The following SUMF1 variants were observed in gnomAD, a reference collection of about 807,000 sequenced individuals.
SUMF1 encodes sulfatase modifying factor 1.
SUMF1 carries 48 observed loss-of-function variants against 47.6 expected under a neutral mutation model. The ratio of observed to expected loss-of-function variants is 1.01; its 90% CI spans 0.80 to 1.28. The LOEUF (loss-of-function observed/expected upper bound fraction) is 1.28, where lower values mean the gene tolerates loss of function less well. SUMF1 is among the 50% of genes most tolerant of loss of function. The pLI is 0.00. For missense variants in SUMF1, 571 were observed against 485.4 expected (o/e 1.18, Z -1.66); for synonymous variants, 230 against 192.1 (o/e 1.20, Z -1.63).
At chr3:4,147,642 A>C (rs1694226350) in intron 8 of SUMF1, among the ~76,000 whole-genome samples, 1 of 152,172 alleles carries the variant, frequency 6.6e-6, no homozygotes, top group Non-Finnish European at 1.5e-5. Flanking sequence ...CTACATAAAA[A>C]TTATTTTAGA....
chr3:4,084,825 T>G (rs1692637950), intron 8 of SUMF1, among the ~76,000 whole-genome samples: 1 of 152,062 alleles, frequency 6.6e-6, no homozygotes, highest in Non-Finnish European at 1.5e-5. Flanking sequence ...AGAAAAACAT[T>G]GTGTGGTTAT....
intron 3 of SUMF1, among the ~76,000 whole-genome samples, chr3:4,431,607 G>A (rs1363749394): frequency 2.0e-5 from 3 of 152,158 alleles, no homozygotes; most frequent in African/African-American, 4.8e-5. Context: ...TTGGATGTGA[G>A]ACAAGAGCTT....
intron 8 of SUMF1, among the ~76,000 whole-genome samples, chr3:4,109,781 C>G (rs533767915): frequency 4.6e-5 from 7 of 152,096 alleles, no homozygotes; most frequent in African/African-American, 1.7e-4. Flanking sequence ...TCCATCAGGT[C>G]ATTTAAGGAC....
At chr3:4,193,921 T>C (rs759469663) in intron 8 of SUMF1, among the ~76,000 whole-genome samples, 1 of 152,142 alleles carries the variant, frequency 6.6e-6, no homozygotes, top group Non-Finnish European at 1.5e-5. Flanking sequence ...CATGTAAGAA[T>C]GAATATTCAA....
At chr3:4,346,189 C>G (rs772153299) in intron 8 of SUMF1, among the ~76,000 whole-genome samples, 1 of 152,188 alleles carries the variant, frequency 6.6e-6, no homozygotes, top group Non-Finnish European at 1.5e-5. Context: ...TAGTAGACAT[C>G]TACAGAACTC....
chr3:4,278,681 A>G (rs1348062387), intron 8 of SUMF1, among the ~76,000 whole-genome samples: 2 of 152,150 alleles, frequency 1.3e-5, no homozygotes, highest in African/African-American at 2.4e-5. Flanking sequence ...AACCAAGATT[A>G]GATAAATTAA....
At chr3:4,347,396 C>T (rs1699395890) in intron 8 of SUMF1, among the ~76,000 whole-genome samples, 1 of 152,152 alleles carries the variant, frequency 6.6e-6, no homozygotes, top group Non-Finnish European at 1.5e-5. Context: ...AATCAATAAA[C>T]ATAATCCATT....
At chr3:4,039,000 T>C (rs549481184) in intron 9 of SUMF1, among the ~76,000 whole-genome samples, 1 of 152,244 alleles carries the variant, frequency 6.6e-6, no homozygotes, top group Admixed American at 6.5e-5. Context: ...TAGCATATCA[T>C]AATATTTACA....
At chr3:4,276,798 G>A (rs1697429319) in intron 8 of SUMF1, among the ~76,000 whole-genome samples, 1 of 151,920 alleles carries the variant, frequency 6.6e-6, no homozygotes, top group East Asian at 1.9e-4. Flanking sequence ...TTATTTTCTA[G>A]GTAAATTCCC....
intron 3 of SUMF1, among the ~76,000 whole-genome samples, chr3:4,426,454 A>G (rs1370937087): frequency 6.6e-6 from 1 of 152,242 alleles, no homozygotes; most frequent in Non-Finnish European, 1.5e-5. Flanking sequence ...CAAACTCACT[A>G]GACGTTTTCC....
chr3:4,370,203 G>C (rs1244607616), intron 8 of SUMF1, among the ~76,000 whole-genome samples: 1 of 152,148 alleles, frequency 6.6e-6, no homozygotes, highest in Non-Finnish European at 1.5e-5. Context: ...CAAAGATCTG[G>C]AGCATGAGAA....
At chr3:4,104,915 T>C (rs1693123556) in intron 8 of SUMF1, among the ~76,000 whole-genome samples, 1 of 152,090 alleles carries the variant, frequency 6.6e-6, no homozygotes, top group Non-Finnish European at 1.5e-5. Context: ...GTTGAAGAGA[T>C]ACCTACATTC....
chr3:4,295,552 GC>G (rs1697833339), intron 8 of SUMF1, among the ~76,000 whole-genome samples: 2 of 152,034 alleles, frequency 1.3e-5, no homozygotes, highest in South Asian at 4.1e-4. Context: ...TGAACGAACC[GC>G]GGGCTGTGCT....
At chr3:4,269,721 G>T (rs553030629) in intron 8 of SUMF1, among the ~76,000 whole-genome samples, 2 of 152,274 alleles carry the variant, frequency 1.3e-5, no homozygotes, top group South Asian at 4.1e-4. Context: ...TCCTTAAGTG[G>T]AATAATATTG....
At chr3:4,443,600 C>T (rs1311206475) in intron 3 of SUMF1, among the ~76,000 whole-genome samples, 3 of 151,940 alleles carry the variant, frequency 2.0e-5, no homozygotes, top group African/African-American at 7.3e-5. Flanking sequence ...ATCATCTCTA[C>T]TAAAAATCAA....
intron 8 of SUMF1, among the ~76,000 whole-genome samples, chr3:4,201,545 T>A (rs1695540052): frequency 6.6e-6 from 1 of 152,154 alleles, no homozygotes; most frequent in African/African-American, 2.4e-5. Flanking sequence ...CATTTATTGG[T>A]TGATGGAAAC....
intron 8 of SUMF1, among the ~76,000 whole-genome samples, chr3:4,157,311 C>T (rs1437213063): frequency 2.6e-5 from 4 of 151,518 alleles, no homozygotes; most frequent in Admixed American, 1.3e-4. Context: ...GAGGCCTTTA[C>T]CTTCCCTCCT....
intron 8 of SUMF1, among the ~76,000 whole-genome samples, chr3:4,258,475 A>G (rs1420002226): frequency 7.0e-6 from 1 of 143,338 alleles, no homozygotes; most frequent in Non-Finnish European, 1.5e-5. Flanking sequence ...CACTTCTCAA[A>G]AGAAGACATT....
chr3:4,280,242 C>T (rs989905735), intron 8 of SUMF1, among the ~76,000 whole-genome samples: 1 of 152,028 alleles, frequency 6.6e-6, no homozygotes, highest in Non-Finnish European at 1.5e-5. Context: ...TTAAAAAATT[C>T]CAAGAGGCAT....
Sources: gnomAD v4.1 joint callset for allele counts (sites outside exome capture counted in the v4.1 genomes callset) on GRCh38, gnomAD v4.1.1 for gene constraint, MANE v1.5 for transcripts, NCBI Gene and HGNC (gene_info 2026-07-23, HGNC 2026-07-21) for gene names.